TNIP3: variants seen among roughly 807,000 people sequenced by gnomAD.
TNIP3 encodes TNFAIP3 interacting protein 3, also known as TNFAIP3-interacting protein 3.
A neutral mutation model predicts 54.1 loss-of-function variants in TNIP3; 34 were observed. That is an observed-to-expected ratio of 0.63 (90% CI 0.48 to 0.84). TNIP3 has a LOEUF of 0.84. Among genes scored for constraint, TNIP3 ranks in the 40% least tolerant of loss-of-function variants. The pLI is 0.00. For missense variants in TNIP3, 366 were observed against 387.6 expected (o/e 0.94, Z 0.47); for synonymous variants, 134 against 136.8 (o/e 0.98, Z 0.14).
chr4:121,147,037 T>C lies in TNIP3; in HGVS notation c.735+12A>G, dbSNP rs559130001. 2 of 1,600,294 alleles carry C rather than the reference T, an allele frequency of 1.2e-6. No individual in the cohort carries two copies. The highest frequency in any genetic ancestry group is 1.4e-5 in the African/African-American group (1 of 74,034). ...TACATGCTGGCAAAGATTATTTTGT[T>C]TTGACTTGTACCTGGGAATTCAGCC... On this transcript the variant is annotated intron_variant, in intron 7 of 10. Coordinates refer to ENST00000057513, the MANE Select transcript of TNIP3 (RefSeq NM_024873.6).
At position 121,132,125 on chromosome 4, in the gene TNIP3, A is replaced by G. The variant is rs1208903723; in HGVS notation, c.*506T>C. 1 of 155,100 alleles carries G rather than the reference A, an allele frequency of 6.4e-6. No homozygotes were observed. Among genetic ancestry groups the G allele is most frequent in the African/African-American group, 2.4e-5 (1 of 41,398 alleles). 9.6% of individuals were successfully genotyped at this position (155,100 alleles called of 1,614,324 possible). A position where few individuals can be genotyped will look rare whatever the true frequency, so the allele number is the denominator to read the frequency against. On this transcript the variant is annotated 3_prime_UTR_variant, in exon 11 of 11. Coordinates refer to ENST00000057513, the MANE Select transcript of TNIP3 (RefSeq NM_024873.6). ...AGGATCACTGAGGTCAACAATATGT[A>G]GTCAAATAGCTAAAGAACTAAGGCC...
intron 2 of TNIP3, among the ~76,000 whole-genome samples, chr4:121,188,777 T>A (rs1447478824): frequency 6.6e-6 from 1 of 152,208 alleles, no homozygotes; most frequent in African/African-American, 2.4e-5. Flanking sequence ...CTGTCTCATG[T>A]TTCAGGATAC....
intron 7 of TNIP3, among the ~76,000 whole-genome samples, chr4:121,144,206 C>CT (rs751934273): frequency 3.9e-5 from 6 of 152,098 alleles, no homozygotes; most frequent in Non-Finnish European, 7.4e-5. Flanking sequence ...TTTTCGTTTT[C>CT]TCACAGCATA....
intron 9 of TNIP3, among the ~76,000 whole-genome samples, chr4:121,139,670 G>T (rs149892623): frequency 3.9e-5 from 6 of 152,312 alleles, no homozygotes; most frequent in African/African-American, 1.2e-4. Flanking sequence ...AAGACACTGA[G>T]AAATGCTGCT....
intron 2 of TNIP3, among the ~76,000 whole-genome samples, chr4:121,192,166 A>C (rs866710747): frequency 1.3e-5 from 2 of 152,314 alleles, no homozygotes; most frequent in African/African-American, 4.8e-5. Flanking sequence ...GTTCGTGTGC[A>C]TACAAAAAAG....
intron 5 of TNIP3, 69 bp from the exon 6 acceptor site, chr4:121,150,288 T>A (rs562170125): frequency 1.6e-4 from 151 of 962,404 alleles, no homozygotes; most frequent in Non-Finnish European, 2.3e-4. Flanking sequence ...TTATAATTGT[T>A]ACAATCATCT....
intron 2 of TNIP3, among the ~76,000 whole-genome samples, chr4:121,213,535 G>T (rs1203127312): frequency 2.0e-5 from 3 of 151,914 alleles, no homozygotes; most frequent in Non-Finnish European, 2.9e-5. Flanking sequence ...GACCATTCTG[G>T]CTAACACAGT....
At chr4:121,216,617 T>G (rs2148850427) in exon 1 of TNIP3, 1 of 1,476,520 alleles carries the variant, frequency 6.8e-7, no homozygotes, top group Non-Finnish European at 8.9e-7. Context: ...AAAAGCCATG[T>G]TTTTATTCTC....
intron 1 of TNIP3, among the ~76,000 whole-genome samples, chr4:121,226,890 C>T (rs575050842): frequency 9.2e-5 from 14 of 152,226 alleles, no homozygotes; most frequent in African/African-American, 2.6e-4. Context: ...ATGAAGAACA[C>T]GGTGAAAAAT....
chr4:121,154,595 T>C lies in TNIP3; in HGVS notation c.448A>G (p.Lys150Glu). 6.2e-7 allele frequency: 1 copy of C among 1,613,988 alleles called. No homozygotes were observed. ...TCACATTCGTAATGTTCCTTTTCCT[T>C]GTTCGCAAGAGTATTTTTTCCCTTT... Reference protein sequence around the residue: ...LLKGKNTLANKEKEHYECEIK... With the variant: ...LLKGKNTLANEEKEHYECEIK... The change falls in exon 5 of 11, where the codon AAG becomes GAG. Residue 150 changes from lysine to glutamate, a missense_variant. Transcript: ENST00000057513.
At chr4:121,217,662 T>G (rs1250577213), upstream of TNIP3, among the ~76,000 whole-genome samples, 1 of 152,196 alleles carries the variant, frequency 6.6e-6, no homozygotes, top group Non-Finnish European at 1.5e-5. Context: ...ATTACACAAT[T>G]CTGCAAATAT....
chr4:121,222,153 T>C (rs1279511879), intron 1 of TNIP3, among the ~76,000 whole-genome samples: 1 of 152,244 alleles, frequency 6.6e-6, no homozygotes, highest in East Asian at 1.9e-4. Flanking sequence ...TATATTGCTC[T>C]TGATGCATCT....
chr4:121,177,387 T>C (rs1724422961), intron 3 of TNIP3, among the ~76,000 whole-genome samples: 1 of 152,128 alleles, frequency 6.6e-6, no homozygotes, highest in Non-Finnish European at 1.5e-5. Context: ...GCTCATGGAG[T>C]TCCTCATGTT....
chr4:121,160,404 T>G (rs545692113), intron 2 of TNIP3, among the ~76,000 whole-genome samples: 4 of 151,414 alleles, frequency 2.6e-5, no homozygotes, highest in Admixed American at 1.3e-4. Context: ...ACTTGAACCC[T>G]GGAGGCAGAG....
intron 6 of TNIP3, among the ~76,000 whole-genome samples, chr4:121,149,726 A>G (rs1283105026): frequency 6.6e-6 from 1 of 152,200 alleles, no homozygotes; most frequent in Non-Finnish European, 1.5e-5. Flanking sequence ...AGGTTGTACC[A>G]CTGCACCACA....
At position 121,157,164 on chromosome 4, in the gene TNIP3, C is replaced by T. The variant is rs765762945; in HGVS notation, c.293G>A (p.Arg98Lys). 7 of 1,597,742 alleles carry T rather than the reference C, an allele frequency of 4.4e-6. No individual in the cohort carries two copies. The East Asian group carries it at 1.3e-4, about 31-fold the overall frequency. The change falls in exon 4 of 11, where the codon AGA (arginine) becomes AAA (lysine). Residue 98 changes from arginine to lysine, a missense_variant. By Grantham distance (26) the Arg-to-Lys change is conservative. Transcript: ENST00000057513. ...TREKDPHQRQ[R>K]KDDRQREDDR... ...GTCCTCTCTCTGCCTGTCGTCCTTTCTCTGCCTCTGATGCGGATCCTTCTC... is the reference window on the plus strand; with the variant it reads ...GTCCTCTCTCTGCCTGTCGTCCTTTTTCTGCCTCTGATGCGGATCCTTCTC...
At chr4:121,196,554 C>T (rs1036257466) in intron 2 of TNIP3, among the ~76,000 whole-genome samples, 8 of 151,324 alleles carry the variant, frequency 5.3e-5, no homozygotes, top group Non-Finnish European at 1.0e-4. Context: ...AAGAATTTGT[C>T]ACATTTTTTT....
At position 121,154,696 on chromosome 4, in the gene TNIP3, G is replaced by T; in HGVS notation, c.364-17C>A. 1 of 1,587,710 alleles carries T rather than the reference G, an allele frequency of 6.3e-7. No homozygotes were observed. Among genetic ancestry groups the T allele is most frequent in the Non-Finnish European group, 8.5e-7 (1 of 1,169,976 alleles). ...CTTTTCCTTCTGAAGTTAAGACCAA[G>T]AAAAGAAAATAAAAGTCAGTACAAG... On this transcript the variant is annotated splice_polypyrimidine_tract_variant and intron_variant, in intron 4 of 10. Coordinates refer to ENST00000057513, the MANE Select transcript of TNIP3 (RefSeq NM_024873.6).
chr4:121,172,947 T>C (rs183614993), intron 3 of TNIP3, among the ~76,000 whole-genome samples: 14 of 152,364 alleles, frequency 9.2e-5, no homozygotes, highest in South Asian at 2.1e-4. Context: ...TAAAATACTT[T>C]ATTTGCTTCA....
Sources: allele counts gnomAD v4.1 joint callset (sites outside exome capture counted in the v4.1 genomes callset), GRCh38; gene constraint gnomAD v4.1.1; transcripts MANE v1.5; gene names NCBI Gene and HGNC (gene_info 2026-07-23, HGNC 2026-07-21).